PCDHGA2: variants seen among roughly 807,000 people sequenced by gnomAD.
PCDHGA2 encodes the protein protocadherin gamma subfamily A, 2.
In PCDHGA2, 40 loss-of-function variants were observed where a neutral mutation model predicts 59.2. The observed-to-expected ratio is 0.68, with a 90% CI of 0.52 to 0.88. The LOEUF is 0.88. Ranked by LOEUF, PCDHGA2 falls within the 40% of genes least tolerant of loss-of-function variation. The pLI is 0.00. For missense variants in PCDHGA2, 1,226 were observed against 1,204.0 expected, an observed-to-expected ratio of 1.02 and a Z score of -0.27; for synonymous variants, 560 against 526.0, an observed-to-expected ratio of 1.06 and a Z score of -0.89.
chr5:141,399,202 G>T, intron 1 of PCDHGA2: 1 of 1,613,914 alleles, frequency 6.2e-7, no homozygotes, highest in Non-Finnish European at 8.5e-7. Context: ...CGCGGTGCCT[G>T]GAACACTAAT....
rs374154790 is a variant in PCDHGA2, at chr5:141,490,709, C to A, written c.2425-4098C>A. The A allele has an allele frequency of 3.2e-5, 52 of 1,614,218 alleles. No homozygotes were observed. In the African/African-American group the frequency reaches 6.3e-4, roughly 19 times the overall value. On this transcript the variant is annotated intron_variant, in intron 1 of 3. Coordinates refer to ENST00000394576, the MANE Select transcript of PCDHGA2 (RefSeq NM_018915.4). The surrounding 1 kb of genome is among the most constrained non-coding windows in gnomAD (Gnocchi z 5.4). ...GACACTGGGGATAATGCCCGCCTCA[C>A]CTACTCCATTGTAGGAAATCAGGTT...
Position 141,340,816 on chromosome 5 carries a change from A to G in PCDHGA2, c.1845A>G (p.Gly615=). Residue 615 remains glycine (G), a synonymous_variant, in exon 1 of 4, where the codon GGA becomes GGG. Transcript: ENST00000394576. ...ACCTGCTCAAGGCCAGCGAGCCGGG[A>G]CTCTTCTCGGTGGGTCTGCACACGG... ...SYHLLKASEP[G]LFSVGLHTGE... The G allele has an allele frequency of 6.2e-7, 1 of 1,610,244 alleles. No homozygotes were observed. The highest frequency in any genetic ancestry group is 8.5e-7 in the Non-Finnish European group (1 of 1,179,290).
rs1362252002 is a variant in PCDHGA2, at chr5:141,486,112, G to C, written c.2425-8695G>C. ...TGGGGCCCCTAGACTTTGAGAGTGA[G>C]AATTACTATGAATTTGATGTGCGGG... On this transcript the variant is annotated intron_variant, in intron 1 of 3. Coordinates refer to ENST00000394576, the MANE Select transcript of PCDHGA2 (RefSeq NM_018915.4). The surrounding 1 kb of genome is among the most constrained non-coding windows in gnomAD (Gnocchi z 5.0). 6 of 1,614,166 alleles carry C rather than the reference G, an allele frequency of 3.7e-6. No individual in the cohort carries two copies. The highest frequency in any genetic ancestry group is 1.7e-6 in the Non-Finnish European group (2 of 1,180,024).
At chr5:141,389,573 C>T (rs778800357) in intron 1 of PCDHGA2, 2 of 1,613,242 alleles carry the variant, frequency 1.2e-6, no homozygotes, top group African/African-American at 1.3e-5. Flanking sequence ...TGCTGTACCC[C>T]GCGCTGGGTC....
At position 141,494,880 on chromosome 5, in the gene PCDHGA2, C is replaced by G. The variant is rs950094823; in HGVS notation, c.2483+15C>G. On this transcript the variant is annotated intron_variant, in intron 2 of 3. Transcript: ENST00000394576. ...GGCACCAGCGGGTAGGTGACTGATT[C>G]TCCAGCCCACCCTCTTCTCTGCGGC... The G allele has an allele frequency of 3.7e-6, 6 of 1,614,040 alleles. No individual in the cohort carries two copies. The African/African-American group carries it at 6.7e-5, about 18-fold the overall frequency.
At chr5:141,347,019 C>T (rs554242895) in intron 1 of PCDHGA2, among the ~76,000 whole-genome samples, 1 of 151,800 alleles carries the variant, frequency 6.6e-6, no homozygotes, top group African/African-American at 2.4e-5. Context: ...CTTCCTCTCT[C>T]TTTCCTCCTT....
intron 2 of PCDHGA2, among the ~76,000 whole-genome samples, chr5:141,495,119 C>T (rs1024197360): frequency 3.9e-5 from 6 of 152,182 alleles, no homozygotes; most frequent in African/African-American, 1.4e-4. Context: ...CTTTTCCTAT[C>T]CCCTGAGGGC....
At position 141,489,985 on chromosome 5, in the gene PCDHGA2, G is replaced by A. The variant is rs761481986; in HGVS notation, c.2425-4822G>A. ...AACCTTCCAATCCTCAGTTCTACGT[G>A]TGGGAATCCCAGAGAATGCACCCAT... On this transcript the variant is annotated intron_variant, in intron 1 of 3. Transcript: ENST00000394576. The surrounding 1 kb of genome is among the most constrained non-coding windows in gnomAD (Gnocchi z 4.5). The A allele has an allele frequency of 1.2e-6, 2 of 1,614,094 alleles. No homozygotes were observed. Among genetic ancestry groups the A allele is most frequent in the African/African-American group, 2.7e-5 (2 of 74,946 alleles).
At chr5:141,370,524 G>C in intron 1 of PCDHGA2, 1 of 1,613,890 alleles carries the variant, frequency 6.2e-7, no homozygotes, top group Non-Finnish European at 8.5e-7. Context: ...GCTGGACAGG[G>C]GCTCGCTGGT....
At chr5:141,398,328 C>G in intron 1 of PCDHGA2, 7 of 1,353,010 alleles carry the variant, frequency 5.2e-6, no homozygotes, top group Non-Finnish European at 7.2e-6. Context: ...GAAAACTGCG[C>G]GTCAGTTCGG....
intron 1 of PCDHGA2, chr5:141,344,321 C>T (rs759020376): frequency 1.9e-6 from 3 of 1,614,024 alleles, no homozygotes; most frequent in Admixed American, 1.7e-5. Flanking sequence ...AGGAGCTCTG[C>T]GCTCAGATCC....
At chr5:141,341,568 G>A in intron 1 of PCDHGA2, 173 bp downstream of exon 1, 1 of 1,290,976 alleles carries the variant, frequency 7.7e-7, no homozygotes, top group Non-Finnish European at 1.0e-6. Context: ...GGCTGTAAGA[G>A]GAAGAAGAGA....
At chr5:141,398,282 C>T in intron 1 of PCDHGA2, 2 of 1,401,814 alleles carry the variant, frequency 1.4e-6, no homozygotes, top group South Asian at 2.6e-5. Context: ...AACCTCGCCA[C>T]GGACCTGGGG....
intron 1 of PCDHGA2, among the ~76,000 whole-genome samples, chr5:141,358,380 A>G (rs58934519): frequency 0.08 from 12,098 of 152,164 alleles, 632 homozygotes; most frequent in African/African-American, 0.15. Flanking sequence ...ACACTCTACC[A>G]TGCTTTGCTT....
At chr5:141,359,358 G>A (rs1161332359) in intron 1 of PCDHGA2, among the ~76,000 whole-genome samples, 1 of 151,914 alleles carries the variant, frequency 6.6e-6, no homozygotes, top group East Asian at 1.9e-4. Context: ...TGTTTTAAAG[G>A]CCTAGGAAAG....
intron 1 of PCDHGA2, chr5:141,344,085 G>T (rs1757359453): frequency 6.2e-7 from 1 of 1,611,498 alleles, no homozygotes; most frequent in South Asian, 1.1e-5. Context: ...CCTGCTGTGC[G>T]CGCTCCTGGG....
chr5:141,422,996 C>T (rs1473025630), intron 1 of PCDHGA2: 1 of 1,614,224 alleles, frequency 6.2e-7, no homozygotes, highest in South Asian at 1.1e-5. Context: ...TACCTGGTGA[C>T]CAAGGTGGTT....
At chr5:141,451,151 A>AT (rs1324071351) in intron 1 of PCDHGA2, among the ~76,000 whole-genome samples, 2 of 152,190 alleles carry the variant, frequency 1.3e-5, no homozygotes, top group Admixed American at 6.5e-5. Context: ...TAGACTAGAC[A>AT]TTTTTTTGGT....
intron 1 of PCDHGA2, among the ~76,000 whole-genome samples, chr5:141,480,693 G>C (rs1488899685): frequency 2.6e-5 from 4 of 152,096 alleles, no homozygotes; most frequent in Non-Finnish European, 5.9e-5. Context: ...CTGAAACCCA[G>C]GCCACACCCC....
Sources: allele counts gnomAD v4.1 joint callset (sites outside exome capture counted in the v4.1 genomes callset), GRCh38; gene constraint gnomAD v4.1.1; non-coding constraint Gnocchi (gnomAD v3.1); transcripts MANE v1.5; gene names NCBI Gene and HGNC (gene_info 2026-07-23, HGNC 2026-07-21).